Variants in PAFAH1B1 observed in about 807,000 individuals in gnomAD.
PAFAH1B1 encodes the protein platelet-activating factor acetylhydrolase IB subunit beta.
In PAFAH1B1, 2 loss-of-function variants were observed where a neutral mutation model predicts 57.5. The observed-to-expected ratio is 0.03, with a 90% CI of 0.01 to 0.11. PAFAH1B1 has a LOEUF of 0.11. Among genes scored for constraint, PAFAH1B1 ranks in the 10% least tolerant of loss-of-function variants. The pLI, the probability that PAFAH1B1 is intolerant of heterozygous loss-of-function variation, is 1.00. For synonymous variants in PAFAH1B1, 152 were observed against 169.6 expected, an observed-to-expected ratio of 0.90 and a Z score of 0.81; for missense variants, 257 against 512.0, an observed-to-expected ratio of 0.50 and a Z score of 4.81.
At chr17:2,645,324 G>A (rs774738925) in intron 2 of PAFAH1B1, among the ~76,000 whole-genome samples, 2 of 152,042 alleles carry the variant, frequency 1.3e-5, no homozygotes, top group Non-Finnish European at 2.9e-5. Flanking sequence ...GGGGCCGGGT[G>A]CAGTGGCTCA....
rs1048186192 is a variant in PAFAH1B1, at chr17:2,653,952, G to T, written c.33-11420G>T. Among the ~76,000 whole-genome samples the T allele has an allele frequency of 2.0e-5, 3 of 152,070 alleles. No homozygotes were observed. In the South Asian group the frequency reaches 6.2e-4, roughly 31 times the overall value. On this transcript the variant is annotated intron_variant, in intron 2 of 10. Coordinates refer to ENST00000397195, the MANE Select transcript of PAFAH1B1 (RefSeq NM_000430.4). ...GCCTCCCAAGTAGCTGGGATTACAGGCGCGTGCCACCATGCCCGGTTAATT... is the reference window on the plus strand; with the variant it reads ...GCCTCCCAAGTAGCTGGGATTACAGTCGCGTGCCACCATGCCCGGTTAATT...
chr17:2,681,669 C>T, intron 10 of PAFAH1B1, 60 bp from the exon 11 acceptor site: 2 of 1,323,476 alleles, frequency 1.5e-6, no homozygotes, highest in Non-Finnish European at 2.2e-6. Context: ...GGGGGTCTCA[C>T]TATGTTTGTT....
intron 1 of PAFAH1B1, among the ~76,000 whole-genome samples, chr17:2,630,117 A>G (rs1271608900): frequency 6.6e-6 from 1 of 152,126 alleles, no homozygotes; most frequent in African/African-American, 2.4e-5. Flanking sequence ...GTACCGCGGC[A>G]TTCATCATGC....
At chr17:2,666,446 T>C (rs1168762453) in intron 4 of PAFAH1B1, among the ~76,000 whole-genome samples, 2 of 152,218 alleles carry the variant, frequency 1.3e-5, no homozygotes, top group Non-Finnish European at 2.9e-5. Flanking sequence ...CTCTGAGCTT[T>C]TATTTTTATC....
chr17:2,676,319 A>G (rs941957886), intron 8 of PAFAH1B1, 186 bp from the exon 9 acceptor site: 33 of 549,468 alleles, frequency 6.0e-5, no homozygotes, highest in African/African-American at 5.9e-4. Context: ...CGGAGGTTGC[A>G]GTGACCCAAG....
intron 2 of PAFAH1B1, among the ~76,000 whole-genome samples, chr17:2,652,932 A>G (rs1445480262): frequency 6.6e-6 from 1 of 152,220 alleles, no homozygotes; most frequent in Admixed American, 6.5e-5. Context: ...ATATACCCAA[A>G]GGATTATAAA....
intron 1 of PAFAH1B1, among the ~76,000 whole-genome samples, chr17:2,594,870 C>T (rs2068067889): frequency 6.6e-6 from 1 of 152,178 alleles, no homozygotes; most frequent in South Asian, 2.1e-4. Context: ...TGAGAAAATG[C>T]CTTTGAGGTG....
At position 2,676,575 on chromosome 17, in the gene PAFAH1B1, A is replaced by T; in HGVS notation, c.971A>T (p.Asp324Val). The change falls in exon 9 of 11, where the codon GAT (aspartate) becomes GTT (valine). Residue 324 changes from aspartate (D) to valine (V), a missense_variant. Physicochemically the swap from Asp to Val is radical, Grantham distance 152. Coordinates refer to ENST00000397195, the MANE Select transcript of PAFAH1B1 (RefSeq NM_000430.4). ...GSRDKTIKMWDVSTGMCLMTL... is the reference protein window; with the variant it reads ...GSRDKTIKMWVVSTGMCLMTL... ...AGAGACAAGACTATTAAGATGTGGG[A>T]TGTCAGTACTGGCATGTGCCTTATG... 6.2e-7 allele frequency: 1 copy of T among 1,612,116 alleles called. No individual in the cohort carries two copies. The highest frequency in any genetic ancestry group is 8.5e-7 in the Non-Finnish European group (1 of 1,178,172).
intron 8 of PAFAH1B1, among the ~76,000 whole-genome samples, chr17:2,675,721 G>A (rs1426924224): frequency 6.6e-6 from 1 of 151,490 alleles, no homozygotes; most frequent in Non-Finnish European, 1.5e-5. Context: ...CACTCCTGTA[G>A]TCCCAGCCAC....
intron 1 of PAFAH1B1, among the ~76,000 whole-genome samples, chr17:2,617,984 C>T (rs767649573): frequency 1.3e-5 from 2 of 151,942 alleles, no homozygotes; most frequent in Non-Finnish European, 2.9e-5. Context: ...TGCGGTGGCT[C>T]ACGCCTGTAA....
chr17:2,646,629 G>A (rs890320177), intron 2 of PAFAH1B1, among the ~76,000 whole-genome samples: 47 of 152,168 alleles, frequency 3.1e-4, no homozygotes, highest in Non-Finnish European at 1.2e-4. Context: ...CTGGGCAACA[G>A]AGTGAGACTC....
intron 2 of PAFAH1B1, among the ~76,000 whole-genome samples, chr17:2,655,181 A>ACGTGTGTGTG (rs1555525364): frequency 8.2e-6 from 1 of 122,674 alleles, no homozygotes; most frequent in African/African-American, 3.3e-5. Context: ...ATATATACAT[A>ACGTGTGTGTG]TATGTGTGTG....
intron 2 of PAFAH1B1, among the ~76,000 whole-genome samples, chr17:2,650,084 G>A (rs2068828070): frequency 6.6e-6 from 1 of 152,240 alleles, no homozygotes; most frequent in Non-Finnish European, 1.5e-5. Flanking sequence ...ACTTCTGTGT[G>A]AAGAAAGGCC....
intron 1 of PAFAH1B1, among the ~76,000 whole-genome samples, chr17:2,636,899 T>C (rs1213090577): frequency 6.6e-6 from 1 of 152,096 alleles, no homozygotes; most frequent in Non-Finnish European, 1.5e-5. Context: ...TTTTAAAATT[T>C]TCTGTAGAGA....
chr17:2,656,462 A>G (rs1042034132), intron 2 of PAFAH1B1, among the ~76,000 whole-genome samples: 3 of 151,574 alleles, frequency 2.0e-5, no homozygotes, highest in East Asian at 1.9e-4. Context: ...TTTTTTTTCA[A>G]AGAGTGAGGA....
Position 2,683,333 on chromosome 17 carries a change from G to C in PAFAH1B1, c.*1531G>C, listed in dbSNP as rs1335155892. ...TTTTTTGTTTCCAAGAGAGTTATTT[G>C]AAAAGTTAACAGAACAATGAGATAA... On this transcript the variant is annotated 3_prime_UTR_variant, in exon 11 of 11. Coordinates refer to ENST00000397195, the MANE Select transcript of PAFAH1B1 (RefSeq NM_000430.4). 3 of 152,128 alleles carry C rather than the reference G, an allele frequency of 2.0e-5. No individual in the cohort carries two copies. Among genetic ancestry groups the C allele is most frequent in the Non-Finnish European group, 4.4e-5 (3 of 68,020 alleles). 9.4% of individuals were successfully genotyped at this position (152,128 alleles called of 1,614,324 possible). A position where few individuals can be genotyped will look rare whatever the true frequency, so the allele number is the denominator to read the frequency against.
intron 1 of PAFAH1B1, among the ~76,000 whole-genome samples, chr17:2,595,750 A>G (rs905958480): frequency 9.9e-5 from 15 of 152,196 alleles, no homozygotes; most frequent in Admixed American, 8.5e-4. Flanking sequence ...CTCCTAAAAG[A>G]AATTGAAGGC....
At position 2,625,356 on chromosome 17, in the gene PAFAH1B1, C is replaced by G. The variant is rs569639528; in HGVS notation, c.-190-12743C>G. ...AAAATACATTTCAAAAATATTAAAT[C>G]TTCTTATTCGTTATTTTGACTTTGG... On this transcript the variant is annotated intron_variant, in intron 1 of 10. Transcript: ENST00000397195. 3.9e-5 allele frequency among the ~76,000 whole-genome samples: 6 copies of G among 152,216 alleles called. No homozygotes were observed. In the East Asian group the frequency reaches 9.6e-4, roughly 24 times the overall value.
intron 5 of PAFAH1B1, among the ~76,000 whole-genome samples, chr17:2,669,760 C>T (rs972165278): frequency 2.6e-5 from 4 of 152,038 alleles, no homozygotes; most frequent in Non-Finnish European, 5.9e-5. Context: ...TTCCCTTCCC[C>T]TTCCCTTTCC....
Sources: allele counts gnomAD v4.1 joint callset (sites outside exome capture counted in the v4.1 genomes callset), GRCh38; gene constraint gnomAD v4.1.1; transcripts MANE v1.5; gene names NCBI Gene and HGNC (gene_info 2026-07-23, HGNC 2026-07-21).